Variants in CHRM3 observed in about 807,000 individuals in gnomAD.
The protein encoded by CHRM3 is muscarinic acetylcholine receptor M3.
A neutral mutation model predicts 41.8 loss-of-function variants in CHRM3; 11 were observed. The ratio of observed to expected loss-of-function variants is 0.26; its 90% CI spans 0.17 to 0.44. The LOEUF (loss-of-function observed/expected upper bound fraction) is 0.44. Ranked by LOEUF, CHRM3 falls within the 20% of genes least tolerant of loss-of-function variation. The pLI, the probability that CHRM3 is intolerant of heterozygous loss-of-function variation, is 1.00. For synonymous variants in CHRM3, 297 were observed against 301.4 expected (o/e 0.99, Z 0.15); for missense variants, 571 against 745.4 (o/e 0.77, Z 2.72).
At chr1:239,859,436 T>A (rs12091284) in intron 6 of CHRM3, among the ~76,000 whole-genome samples, 5 of 150,012 alleles carry the variant, frequency 3.3e-5, no homozygotes, top group Non-Finnish European at 7.4e-5. Flanking sequence ...TTTTTTGTTT[T>A]TTTTTTTGAG....
chr1:239,881,300 A>AAAAAAAG, intron 6 of CHRM3, among the ~76,000 whole-genome samples: 1 of 150,320 alleles, frequency 6.7e-6, no homozygotes, highest in Admixed American at 6.6e-5. Flanking sequence ...AAAAAAAAAA[A>AAAAAAAG]AAAAAAGAAT....
chr1:239,862,862 T>C (rs1675752022), intron 6 of CHRM3, among the ~76,000 whole-genome samples: 1 of 152,248 alleles, frequency 6.6e-6, no homozygotes, highest in South Asian at 2.1e-4. Context: ...AAGAACACTT[T>C]AGAGAAACAA....
chr1:239,541,847 C>G (rs1395775449), intron 2 of CHRM3, among the ~76,000 whole-genome samples: 1 of 152,134 alleles, frequency 6.6e-6, no homozygotes, highest in Non-Finnish European at 1.5e-5. Context: ...CCAAGATTGC[C>G]TTTCTGTCAT....
intron 5 of CHRM3, among the ~76,000 whole-genome samples, chr1:239,767,953 C>T (rs1465805548): frequency 6.6e-6 from 1 of 151,994 alleles, no homozygotes; most frequent in Non-Finnish European, 1.5e-5. Context: ...TATAACAAGC[C>T]CCGGGTGATT....
chr1:239,484,421 C>T (rs1227798472), intron 1 of CHRM3, among the ~76,000 whole-genome samples: 1 of 152,154 alleles, frequency 6.6e-6, no homozygotes, highest in African/African-American at 2.4e-5. Context: ...GATAAGGTAC[C>T]TCCCACCAGG....
At chr1:239,618,093 G>A (rs1175741069) in intron 3 of CHRM3, among the ~76,000 whole-genome samples, 4 of 151,586 alleles carry the variant, frequency 2.6e-5, no homozygotes, top group African/African-American at 7.3e-5. Flanking sequence ...GAACACCCAG[G>A]GAAGTGCGTA....
intron 5 of CHRM3, among the ~76,000 whole-genome samples, chr1:239,710,477 A>G (rs2148208625): frequency 6.6e-6 from 1 of 151,994 alleles, no homozygotes; most frequent in South Asian, 2.1e-4. Flanking sequence ...AATGATTAAG[A>G]TCATTAAAAC....
intron 3 of CHRM3, among the ~76,000 whole-genome samples, chr1:239,578,315 A>G (rs73120657): frequency 0.012 from 1,752 of 152,266 alleles, 47 homozygotes; most frequent in East Asian, 0.11. Flanking sequence ...TATACATTTC[A>G]TATTTTTACA....
intron 4 of CHRM3, among the ~76,000 whole-genome samples, chr1:239,676,953 G>T (rs1490022131): frequency 6.6e-6 from 1 of 152,184 alleles, no homozygotes; most frequent in Admixed American, 6.5e-5. Flanking sequence ...AGCCCCCACT[G>T]GGGCAGCTTT....
intron 5 of CHRM3, among the ~76,000 whole-genome samples, chr1:239,750,237 A>C (rs890128381): frequency 2.6e-5 from 4 of 152,214 alleles, no homozygotes; most frequent in Non-Finnish European, 5.9e-5. Flanking sequence ...TGCAGAAGGA[A>C]AAAATGGAAA....
At chr1:239,430,567 T>A (rs2103166857) in intron 1 of CHRM3, among the ~76,000 whole-genome samples, 1 of 152,196 alleles carries the variant, frequency 6.6e-6, no homozygotes, top group East Asian at 1.9e-4. Context: ...TAGAGATAAC[T>A]GGCTAAACAG....
intron 4 of CHRM3, among the ~76,000 whole-genome samples, chr1:239,673,564 A>G (rs1352497459): frequency 6.6e-6 from 1 of 152,190 alleles, no homozygotes; most frequent in Non-Finnish European, 1.5e-5. Context: ...CATTCAACGT[A>G]TATTTTAATG....
intron 3 of CHRM3, among the ~76,000 whole-genome samples, chr1:239,620,624 A>G (rs1668251974): frequency 6.6e-6 from 1 of 152,190 alleles, no homozygotes; most frequent in Non-Finnish European, 1.5e-5. Flanking sequence ...TGAATACTCT[A>G]TAACATATAA....
chr1:239,862,317 G>A (rs1160494969), intron 6 of CHRM3, among the ~76,000 whole-genome samples: 1 of 152,192 alleles, frequency 6.6e-6, no homozygotes, highest in Non-Finnish European at 1.5e-5. Flanking sequence ...GAAAATTGAA[G>A]CATCCCTGCA....
intron 1 of CHRM3, among the ~76,000 whole-genome samples, chr1:239,448,663 A>C (rs1350238620): frequency 1.3e-5 from 2 of 152,202 alleles, no homozygotes; most frequent in Non-Finnish European, 2.9e-5. Flanking sequence ...TGATATAATA[A>C]CAGATTTCTC....
chr1:239,462,648 A>C (rs2147887940), intron 1 of CHRM3, among the ~76,000 whole-genome samples: 1 of 152,360 alleles, frequency 6.6e-6, no homozygotes, highest in African/African-American at 2.4e-5. Flanking sequence ...ATACTATAAA[A>C]GAGATAACTT....
At chr1:239,618,648 T>A (rs569867386) in intron 3 of CHRM3, among the ~76,000 whole-genome samples, 5 of 151,390 alleles carry the variant, frequency 3.3e-5, no homozygotes, top group African/African-American at 7.3e-5. Flanking sequence ...ATCGAGACCA[T>A]CCTGGCTAAC....
At chr1:239,819,394 T>C (rs1671852530) in intron 5 of CHRM3, among the ~76,000 whole-genome samples, 1 of 152,192 alleles carries the variant, frequency 6.6e-6, no homozygotes, top group Non-Finnish European at 1.5e-5. Context: ...AGCTATCATT[T>C]TGGGTCCTGT....
intron 4 of CHRM3, among the ~76,000 whole-genome samples, chr1:239,677,585 A>C (rs1658139317): frequency 6.6e-6 from 1 of 152,206 alleles, no homozygotes; most frequent in African/African-American, 2.4e-5. Context: ...GTGTCTTCAC[A>C]TGGCAGAAGG....
Sources: allele counts gnomAD v4.1 joint callset (sites outside exome capture counted in the v4.1 genomes callset), GRCh38; gene constraint gnomAD v4.1.1; transcripts MANE v1.5; gene names NCBI Gene and HGNC (gene_info 2026-07-23, HGNC 2026-07-21).